Variants in ECSIT observed in about 807,000 individuals in gnomAD.
ECSIT encodes the protein ECSIT signaling integrator.
A neutral mutation model predicts 36.8 loss-of-function variants in ECSIT; 29 were observed. The observed-to-expected ratio is 0.79, with a 90% CI of 0.59 to 1.08. The LOEUF (loss-of-function observed/expected upper bound fraction) is 1.08, where lower values mean the gene tolerates loss of function less well. Ranked by LOEUF, ECSIT falls within the 50% of genes least tolerant of loss-of-function variation. The pLI is 0.00. For missense variants in ECSIT, 542 were observed against 581.0 expected, an observed-to-expected ratio of 0.93 and a Z score of 0.69; for synonymous variants, 231 against 234.8, an observed-to-expected ratio of 0.98 and a Z score of 0.15.
rs139694259 is a variant in ECSIT at position 11,527,376 on chromosome 19, G to A, written c.-24+1686C>T. ...GTGATTTCTGCCTAAAATCGCTAAC[G>A]GCATATCACACTTAAAATCAGAGAC... On this transcript the variant is annotated intron_variant, in intron 1 of 7. Transcript: ENST00000270517. Among the ~76,000 whole-genome samples, 762 of 152,086 alleles carry A rather than the reference G, an allele frequency of 5.0e-3. 7 individuals are homozygous for A. Among genetic ancestry groups the A allele is most frequent in the African/African-American group, 0.018 (728 of 41,488 alleles).
chr19:11,508,026 G>T lies in ECSIT; in HGVS notation c.761C>A (p.Thr254Lys). 1.9e-6 allele frequency: 3 copies of T among 1,614,172 alleles called. No individual in the cohort carries two copies. The highest frequency in any genetic ancestry group is 2.5e-6 in the Non-Finnish European group (3 of 1,180,040). Residue 254 changes from threonine to lysine, a missense_variant, in exon 5 of 8, where the codon ACA becomes AAA. Physicochemically the swap from Thr to Lys is moderately conservative, Grantham distance 78. Transcript: ENST00000270517. The part of the protein sequence containing the change: ...IYQVPLPKDS[T>K]GAADPPQPHI... ...GGGCTGGGGGGGATCTGCTGCACCT[G>T]TTGAGTCTTTGGGCAAAGGAACCTG...
intron 4 of ECSIT, among the ~76,000 whole-genome samples, chr19:11,509,489 C>T (rs548695318): frequency 3.4e-4 from 51 of 151,122 alleles, no homozygotes; most frequent in South Asian, 2.1e-4. Flanking sequence ...ATGAGCAGGC[C>T]GGGCGCAGTG....
At chr19:11,512,125 G>A (rs1408375449) in intron 4 of ECSIT, among the ~76,000 whole-genome samples, 2 of 151,250 alleles carry the variant, frequency 1.3e-5, no homozygotes, top group Non-Finnish European at 2.9e-5. Context: ...TGGGTGGATC[G>A]CTTGAGCTCA....
chr19:11,511,085 A>C (rs936419299), intron 4 of ECSIT, among the ~76,000 whole-genome samples: 9 of 151,966 alleles, frequency 5.9e-5, no homozygotes, highest in African/African-American at 2.2e-4. Flanking sequence ...CTCCCCCAGG[A>C]AGCCCCACCT....
At chr19:11,510,760 C>T (rs1568402084) in intron 4 of ECSIT, 1 of 151,716 alleles carries the variant, frequency 6.6e-6, no homozygotes, top group Non-Finnish European at 1.5e-5. Flanking sequence ...AAAAACAACC[C>T]TCCCCCCCAC....
chr19:11,507,950 T>A, intron 5 of ECSIT, 41 bp downstream of exon 5: 1 of 1,613,896 alleles, frequency 6.2e-7, no homozygotes, highest in Non-Finnish European at 8.5e-7. Flanking sequence ...AGGGCCTGGG[T>A]AAGGTTAGAG....
Position 11,513,191 on chromosome 19 carries a change from C to A in ECSIT, c.603G>T (p.Lys201Asn). The change falls in exon 4 of 8, where the codon AAG (lysine) becomes AAT (asparagine). Residue 201 changes from lysine (K) to asparagine (N), a missense_variant. Physicochemically the swap from Lys to Asn is moderately conservative, Grantham distance 94. Transcript: ENST00000270517. ...CGTTCATGAATCGAGGGAACCACAG[C>A]TTCAGGCGCACCAACTTGAGCATGG... ...SYPMLKLVRL[K>N]LWFPRFMNVN... 1.2e-6 allele frequency: 2 copies of A among 1,614,162 alleles called. No individual in the cohort carries two copies. Among genetic ancestry groups the A allele is most frequent in the Non-Finnish European group, 1.7e-6 (2 of 1,180,042 alleles).
chr19:11,529,067 C>T lies in ECSIT; in HGVS notation c.-29G>A, dbSNP rs1972273838. Reference sequence around the variant, plus strand: ...CCTACCCGCGCGCGACCTACCTACTCACGCGGCCAGCCGCGGACTCCAGGC... The same window carrying T: ...CCTACCCGCGCGCGACCTACCTACTTACGCGGCCAGCCGCGGACTCCAGGC... On this transcript the variant is annotated 5_prime_UTR_variant, in exon 1 of 8. It removes the in-frame stop codon of an upstream open reading frame in the 5' UTR. Coordinates refer to ENST00000270517, the MANE Select transcript of ECSIT (RefSeq NM_016581.5). 1 of 152,436 alleles carries T rather than the reference C, an allele frequency of 6.6e-6. No homozygotes were observed. Among genetic ancestry groups the T allele is most frequent in the Non-Finnish European group, 1.5e-5 (1 of 68,158 alleles). 9.4% of individuals were successfully genotyped at this position (152,436 alleles called of 1,614,324 possible).
chr19:11,510,195 A>C (rs1207572647), intron 4 of ECSIT, among the ~76,000 whole-genome samples: 1 of 151,006 alleles, frequency 6.6e-6, no homozygotes, highest in Non-Finnish European at 1.5e-5. Flanking sequence ...TTTTTTAAAC[A>C]GACAGGATCT....
Position 11,519,490 on chromosome 19 carries a change from C to T in ECSIT, c.-23-297G>A, listed in dbSNP as rs1343483199. Among the ~76,000 whole-genome samples the T allele has an allele frequency of 6.6e-6, 1 of 152,102 alleles. No homozygotes were observed. Among genetic ancestry groups the T allele is most frequent in the East Asian group, 1.9e-4 (1 of 5,186 alleles). On this transcript the variant is annotated intron_variant, in intron 1 of 7. Coordinates refer to ENST00000270517, the MANE Select transcript of ECSIT (RefSeq NM_016581.5). This position sits in a 1 kb window ranked among gnomAD's most constrained non-coding sequence, Gnocchi z 4.4. ...GACTACAGACGCGTGCCACCATGCC[C>T]AGCTAATTTGAAAATAGTTTGCAGA...
At chr19:11,521,991 A>G (rs112861335) in intron 1 of ECSIT, 42 of 223,604 alleles carry the variant, frequency 1.9e-4, no homozygotes, top group African/African-American at 9.2e-4. Context: ...GCACACTACA[A>G]GAGTACAAGG....
chr19:11,528,846 T>A (rs1000495846), intron 1 of ECSIT: 2 of 152,234 alleles, frequency 1.3e-5, no homozygotes, highest in African/African-American at 2.4e-5. Context: ...GCGTGACCTC[T>A]CGCGAGGTCA....
intron 4 of ECSIT, among the ~76,000 whole-genome samples, chr19:11,509,711 T>C (rs1443771962): frequency 1.3e-5 from 2 of 151,468 alleles, no homozygotes; most frequent in African/African-American, 4.8e-5. Flanking sequence ...GAGGTTGTAG[T>C]GAGCCGAGAT....
intron 2 of ECSIT, among the ~76,000 whole-genome samples, chr19:11,517,098 G>A (rs951301306): frequency 6.6e-6 from 1 of 151,994 alleles, no homozygotes; most frequent in Non-Finnish European, 1.5e-5. Context: ...GGCCCTAGGT[G>A]GGGGGTACTC....
chr19:11,520,373 C>G (rs765847093), intron 1 of ECSIT, among the ~76,000 whole-genome samples: 2 of 151,832 alleles, frequency 1.3e-5, no homozygotes, highest in Non-Finnish European at 2.9e-5. Context: ...GGTTTTATCA[C>G]GTTGGCCAGG....
intron 1 of ECSIT, among the ~76,000 whole-genome samples, chr19:11,526,433 C>T (rs1160564901): frequency 6.6e-6 from 1 of 152,182 alleles, no homozygotes; most frequent in Non-Finnish European, 1.5e-5. Flanking sequence ...TAATTTGCTC[C>T]AAACTGATAT....
chr19:11,506,010 G>T lies in ECSIT; in HGVS notation c.*174C>A. The stretch of plus-strand genomic sequence containing the variant: ...CGCCTGCAGATTCTGGAGGGGTCTC[G>T]CCTGCCCATCGCTGGCAGCCCGAGA... On this transcript the variant is annotated 3_prime_UTR_variant, in exon 8 of 8. Transcript: ENST00000270517. 1 of 1,163,524 alleles carries T rather than the reference G, an allele frequency of 8.6e-7. No homozygotes were observed. The highest frequency in any genetic ancestry group is 1.2e-6 in the Non-Finnish European group (1 of 829,236). The allele number at this position is 1,163,524 out of a possible 1,614,324, so 72.1% of individuals were successfully genotyped here. A position where few individuals can be genotyped will look rare whatever the true frequency, so the allele number is the denominator to read the frequency against.
chr19:11,523,653 A>G (rs187074268), intron 1 of ECSIT: 1 of 779,770 alleles, frequency 1.3e-6, no homozygotes, highest in East Asian at 2.6e-5. Flanking sequence ...CTGAGCACCA[A>G]ATCAACTTAA....
intron 2 of ECSIT, among the ~76,000 whole-genome samples, chr19:11,518,264 T>C (rs533461459): frequency 6.6e-6 from 1 of 152,008 alleles, no homozygotes; most frequent in African/African-American, 2.4e-5. Context: ...GCGTCTCTAC[T>C]AAAATTACAA....
Sources: allele counts gnomAD v4.1 joint callset (sites outside exome capture counted in the v4.1 genomes callset), GRCh38; gene constraint gnomAD v4.1.1; non-coding constraint Gnocchi (gnomAD v3.1); transcripts MANE v1.5; gene names NCBI Gene and HGNC (gene_info 2026-07-23, HGNC 2026-07-21).